CNGB1: variants seen among roughly 807,000 people sequenced by gnomAD.
CNGB1 encodes the protein cyclic nucleotide-gated channel beta-1.
CNGB1 carries 126 observed loss-of-function variants against 151.7 expected under a neutral mutation model. That is an observed-to-expected ratio of 0.83 (90% CI 0.72 to 0.96). The LOEUF is 0.96. CNGB1 is among the 40% of genes least tolerant of loss of function. The pLI is 0.00. For missense variants in CNGB1, 1,698 were observed against 1,627.0 expected, an observed-to-expected ratio of 1.04 and a Z score of -0.75; for synonymous variants, 623 against 635.1, an observed-to-expected ratio of 0.98 and a Z score of 0.29.
intron 18 of CNGB1, 143 bp downstream of exon 18, chr16:57,923,130 G>T (rs540651768): frequency 1.1e-4 from 64 of 582,588 alleles, no homozygotes; most frequent in African/African-American, 8.8e-4. Flanking sequence ...CTGGGCAGGC[G>T]ACCGATCCCG....
chr16:57,929,228 C>G (rs1365145244), intron 17 of CNGB1, among the ~76,000 whole-genome samples: 10 of 152,220 alleles, frequency 6.6e-5, no homozygotes, highest in Admixed American at 6.5e-4. Context: ...AAATGGCTGG[C>G]AGGAATATGA....
At chr16:57,961,140 A>G (rs1053548568) in intron 7 of CNGB1, among the ~76,000 whole-genome samples, 15 of 152,174 alleles carry the variant, frequency 9.9e-5, no homozygotes, top group Admixed American at 6.5e-4. Flanking sequence ...AACCACAGCC[A>G]TGGCCTCCTG....
At chr16:57,947,482 A>G (rs1961838883) in intron 14 of CNGB1, among the ~76,000 whole-genome samples, 1 of 152,222 alleles carries the variant, frequency 6.6e-6, no homozygotes, top group Non-Finnish European at 1.5e-5. Flanking sequence ...AGGCAGAATT[A>G]GGACAAGTCA....
intron 16 of CNGB1, among the ~76,000 whole-genome samples, chr16:57,935,692 G>C (rs1177178926): frequency 2.0e-5 from 3 of 152,078 alleles, no homozygotes; most frequent in African/African-American, 7.2e-5. Context: ...CAGTTATCAG[G>C]GAGTGGCCTG....
chr16:57,934,561 G>T (rs1961451715), intron 16 of CNGB1, among the ~76,000 whole-genome samples: 1 of 152,202 alleles, frequency 6.6e-6, no homozygotes, highest in Admixed American at 6.5e-5. Flanking sequence ...GTGTCAATGT[G>T]TCCCCGGGAA....
chr16:57,935,286 T>A (rs1360972697), intron 16 of CNGB1, among the ~76,000 whole-genome samples: 4 of 152,352 alleles, frequency 2.6e-5, no homozygotes, highest in African/African-American at 9.6e-5. Context: ...TGGCAAGCAA[T>A]GCTGGTTTTC....
In CNGB1 at chr16:57,967,114, G is replaced by C; in HGVS notation, c.159+14C>G. On this transcript the variant is annotated intron_variant, in intron 2 of 32. Coordinates refer to ENST00000251102, the MANE Select transcript of CNGB1 (RefSeq NM_001297.5). Reference sequence around the variant, plus strand: ...GCGAGGCCGGCCTGCCCCTCCTCCCGCTCTACCTCTCACCATGGACTCGGA... The same window carrying C: ...GCGAGGCCGGCCTGCCCCTCCTCCCCCTCTACCTCTCACCATGGACTCGGA... 6.2e-7 allele frequency: 1 copy of C among 1,613,970 alleles called. No individual in the cohort carries two copies. Among genetic ancestry groups the C allele is most frequent in the Non-Finnish European group, 8.5e-7 (1 of 1,179,970 alleles).
At chr16:57,954,659 T>C in intron 12 of CNGB1, 1 of 978,150 alleles carries the variant, frequency 1.0e-6, no homozygotes, top group Non-Finnish European at 1.2e-6. Context: ...AGCAATAATA[T>C]CAATGCAATC....
At chr16:57,904,672 G>A in intron 26 of CNGB1, 62 bp downstream of exon 26, 1 of 1,609,318 alleles carries the variant, frequency 6.2e-7, no homozygotes, top group South Asian at 1.1e-5. Context: ...GACATTTCTG[G>A]CAACAGTGGG....
chr16:57,917,148 C>G (rs1960889629), intron 21 of CNGB1, 120 bp downstream of exon 21: 1 of 854,144 alleles, frequency 1.2e-6, no homozygotes, highest in Non-Finnish European at 1.9e-6. Context: ...AGCAGCCGTT[C>G]TTGAGATTTC....
At chr16:57,964,431 G>C in intron 3 of CNGB1, 56 bp downstream of exon 3, 1 of 1,601,056 alleles carries the variant, frequency 6.2e-7, no homozygotes, top group Non-Finnish European at 8.6e-7. Flanking sequence ...GCGGCTCCGA[G>C]GGGAGAATGC....
In CNGB1 at chr16:57,888,014, G is replaced by C; in HGVS notation, c.3303C>G (p.Pro1101=). The change falls in exon 32 of 33, where the codon CCC becomes CCG. Residue 1101 remains proline (P), a synonymous_variant. Transcript: ENST00000251102. ...TGAAGAGCTTTGGGGTGCCCGCCCG[G>C]GGTGGAAGGATCAGCACGCTCTTCT... The part of the protein sequence containing the change: ...KEEKSVLILP[P]RAGTPKLFNA... 6.2e-7 allele frequency: 1 copy of C among 1,614,206 alleles called. No homozygotes were observed. Among genetic ancestry groups the C allele is most frequent in the Admixed American group, 1.7e-5 (1 of 60,024 alleles).
intron 27 of CNGB1, among the ~76,000 whole-genome samples, 172 bp from the exon 28 acceptor site, chr16:57,901,797 G>A (rs1397973687): frequency 3.3e-5 from 5 of 152,254 alleles, no homozygotes; most frequent in African/African-American, 9.6e-5. Flanking sequence ...TGCCAATACC[G>A]TTTCCTCTGC....
intron 31 of CNGB1, 145 bp downstream of exon 31, chr16:57,897,252 T>C (rs1236591240): frequency 2.4e-6 from 2 of 840,314 alleles, no homozygotes; most frequent in African/African-American, 3.6e-5. Flanking sequence ...TAGTGAGTCA[T>C]GATCACTCCA....
At position 57,938,411 on chromosome 16, in the gene CNGB1, C is replaced by T. The variant is rs149356291; in HGVS notation, c.1372+1019G>A. Among the ~76,000 whole-genome samples, 250 of 152,288 alleles carry T rather than the reference C, an allele frequency of 1.6e-3. 1 individual carries two copies. Among genetic ancestry groups the T allele is most frequent in the African/African-American group, 5.3e-3 (219 of 41,554 alleles). On this transcript the variant is annotated intron_variant, in intron 16 of 32. Transcript: ENST00000251102. ...AGTCCCATTTCAACCACTCGCTGGC[C>T]GAGACACATCCTCGTCCCAATATTG...
chr16:57,931,711 G>T lies in CNGB1; in HGVS notation c.1535+5C>A. On this transcript the variant is annotated splice_donor_5th_base_variant and intron_variant, in intron 17 of 32. Coordinates refer to ENST00000251102, the MANE Select transcript of CNGB1 (RefSeq NM_001297.5). ...GAAAAGCCCAAGAGAAGCATAAAAG[G>T]TAACCTGTGTGTCCCCGAGGCTGAG... 1.9e-6 allele frequency: 3 copies of T among 1,614,002 alleles called. No homozygotes were observed. The highest frequency in any genetic ancestry group is 4.5e-5 in the East Asian group (2 of 44,880).
At chr16:57,950,625 CCCTG>C in intron 12 of CNGB1, 85 bp from the exon 13 acceptor site, 1 of 1,486,080 alleles carries the variant, frequency 6.7e-7, no homozygotes, top group South Asian at 1.1e-5. Context: ...CTGCAGGGAG[CCCTG>C]GCTGTCGCCA....
chr16:57,887,168 G>A (rs1331082268), intron 32 of CNGB1, among the ~76,000 whole-genome samples: 1 of 152,222 alleles, frequency 6.6e-6, no homozygotes, highest in African/African-American at 2.4e-5. Context: ...TTACAAGTGT[G>A]AGCTACCATG....
intron 28 of CNGB1, 34 bp downstream of exon 28, chr16:57,901,494 A>T (rs1423833528): frequency 1.2e-6 from 2 of 1,611,204 alleles, no homozygotes; most frequent in Admixed American, 1.7e-5. Context: ...GGAGCCTCCC[A>T]CAGCCCTGAG....
Sources: gnomAD v4.1 joint callset for allele counts (sites outside exome capture counted in the v4.1 genomes callset) on GRCh38, gnomAD v4.1.1 for gene constraint, MANE v1.5 for transcripts, NCBI Gene and HGNC (gene_info 2026-07-23, HGNC 2026-07-21) for gene names.